MACROD2: variants seen among roughly 807,000 people sequenced by gnomAD.
MACROD2 encodes the protein mono-ADP ribosylhydrolase 2.
Under a neutral mutation model 70.4 loss-of-function variants are expected in MACROD2, and 36 were observed. That is an observed-to-expected ratio of 0.51 (90% CI 0.39 to 0.68). The LOEUF is 0.68. MACROD2 is among the 30% of genes least tolerant of loss of function. The probability of loss-of-function intolerance (pLI) is 0.00; values close to 1 mark genes in which losing one functional copy is unlikely to be tolerated. For synonymous variants in MACROD2, 172 were observed against 178.8 expected (o/e 0.96, Z 0.30); for missense variants, 496 against 538.4 (o/e 0.92, Z 0.78).
chr20:14,920,562 T>G (rs1016147150), intron 5 of MACROD2, among the ~76,000 whole-genome samples: 7 of 152,206 alleles, frequency 4.6e-5, no homozygotes, highest in African/African-American at 1.7e-4. Flanking sequence ...TAGAATAAAT[T>G]ATTGAAGACA....
chr20:14,542,847 T>G (rs1320063400), intron 4 of MACROD2, among the ~76,000 whole-genome samples: 1 of 152,226 alleles, frequency 6.6e-6, no homozygotes, highest in Non-Finnish European at 1.5e-5. Context: ...TAAAATAATC[T>G]GCAATTAAAT....
chr20:14,825,676 C>A (rs997703061), intron 5 of MACROD2, among the ~76,000 whole-genome samples: 1 of 152,140 alleles, frequency 6.6e-6, no homozygotes, highest in Non-Finnish European at 1.5e-5. Flanking sequence ...ATTAGCTAGA[C>A]CTGTCAGGCC....
At chr20:15,457,054 TC>T (rs1251185279) in intron 7 of MACROD2, among the ~76,000 whole-genome samples, 26 of 64,912 alleles carry the variant, frequency 4.0e-4, no homozygotes, top group African/African-American at 1.6e-3. Flanking sequence ...TTTCCTTTCT[TC>T]TTTTTTTTTT....
chr20:15,104,101 G>A (rs1322133264), intron 5 of MACROD2, among the ~76,000 whole-genome samples: 1 of 152,134 alleles, frequency 6.6e-6, no homozygotes, highest in Non-Finnish European at 1.5e-5. Flanking sequence ...AGAAAGTCAA[G>A]TGTTAAAGAA....
At chr20:15,380,336 AGT>A (rs2045626788) in intron 6 of MACROD2, among the ~76,000 whole-genome samples, 1 of 152,166 alleles carries the variant, frequency 6.6e-6, no homozygotes, top group Non-Finnish European at 1.5e-5. Flanking sequence ...AGGACTAGGG[AGT>A]CATGTGGTTG....
chr20:15,630,591 A>G (rs1327685876), intron 8 of MACROD2, among the ~76,000 whole-genome samples: 1 of 152,246 alleles, frequency 6.6e-6, no homozygotes. Context: ...CCTGCTGATT[A>G]AGTCCATTAA....
chr20:15,947,422 C>G (rs2147355413), intron 12 of MACROD2, among the ~76,000 whole-genome samples: 1 of 124,092 alleles, frequency 8.1e-6, no homozygotes, highest in African/African-American at 3.0e-5. Context: ...ATGACTTTTA[C>G]CAAGCATACA....
At chr20:15,426,799 G>T (rs1023753399) in intron 6 of MACROD2, among the ~76,000 whole-genome samples, 1 of 152,056 alleles carries the variant, frequency 6.6e-6, no homozygotes, top group Non-Finnish European at 1.5e-5. Context: ...ACCTGGCATG[G>T]GTTTTGGTAC....
chr20:14,645,981 T>A (rs1985368180), intron 4 of MACROD2, among the ~76,000 whole-genome samples: 1 of 149,562 alleles, frequency 6.7e-6, no homozygotes, highest in African/African-American at 2.4e-5. Context: ...CTTGGAAAAA[T>A]TTATATTTTC....
intron 4 of MACROD2, among the ~76,000 whole-genome samples, chr20:14,562,912 T>G (rs1979535711): frequency 6.6e-6 from 1 of 151,840 alleles, no homozygotes; most frequent in Admixed American, 6.6e-5. Flanking sequence ...TCTTTTGCCT[T>G]GCTTAGTATG....
At chr20:14,871,465 A>G (rs1371847340) in intron 5 of MACROD2, among the ~76,000 whole-genome samples, 1 of 152,158 alleles carries the variant, frequency 6.6e-6, no homozygotes, top group Non-Finnish European at 1.5e-5. Flanking sequence ...TCAGACAAGT[A>G]AATGCTAAGG....
At chr20:14,183,130 A>G (rs1276689697) in intron 3 of MACROD2, among the ~76,000 whole-genome samples, 2 of 150,132 alleles carry the variant, frequency 1.3e-5, no homozygotes, top group Admixed American at 1.3e-4. Flanking sequence ...CCGGGTATTA[A>G]GCCTAGGCTT....
At chr20:15,832,852 A>G (rs150083109) in intron 8 of MACROD2, among the ~76,000 whole-genome samples, 13 of 152,338 alleles carry the variant, frequency 8.5e-5, no homozygotes, top group African/African-American at 2.9e-4. Context: ...TTTCCGTAAC[A>G]TGGAAAATCC....
chr20:15,666,269 G>A (rs2049896363), intron 8 of MACROD2, among the ~76,000 whole-genome samples: 2 of 152,036 alleles, frequency 1.3e-5, no homozygotes, highest in African/African-American at 4.8e-5. Flanking sequence ...CAACCCTCCG[G>A]CAACTCTAGA....
chr20:14,767,515 A>C (rs2072106784), intron 5 of MACROD2, among the ~76,000 whole-genome samples: 2 of 151,960 alleles, frequency 1.3e-5, no homozygotes, highest in South Asian at 4.2e-4. Flanking sequence ...TATAAACAGA[A>C]TGGGTTTGAC....
At chr20:14,977,919 T>C (rs1349261037) in intron 5 of MACROD2, among the ~76,000 whole-genome samples, 1 of 152,222 alleles carries the variant, frequency 6.6e-6, no homozygotes, top group Non-Finnish European at 1.5e-5. Context: ...AATGATATTT[T>C]AGAAAACAAA....
intron 5 of MACROD2, among the ~76,000 whole-genome samples, chr20:14,836,262 T>C (rs1307070735): frequency 1.3e-5 from 2 of 152,118 alleles, no homozygotes; most frequent in East Asian, 1.9e-4. Context: ...GAGAGACTAA[T>C]GTATGCAGAG....
At chr20:14,687,342 G>C (rs1021930058) in intron 5 of MACROD2, among the ~76,000 whole-genome samples, 2 of 152,150 alleles carry the variant, frequency 1.3e-5, no homozygotes, top group African/African-American at 4.8e-5. Flanking sequence ...TAGTGTATGG[G>C]TTCACACTGT....
chr20:15,336,590 TTTC>T (rs1224323336), intron 6 of MACROD2, among the ~76,000 whole-genome samples: 6 of 150,762 alleles, frequency 4.0e-5, no homozygotes, highest in African/African-American at 1.5e-4. Flanking sequence ...TTTATGTATT[TTTC>T]TTCTTAGAAG....
Sources: allele counts gnomAD v4.1 joint callset (sites outside exome capture counted in the v4.1 genomes callset), GRCh38; gene constraint gnomAD v4.1.1; transcripts MANE v1.5; gene names NCBI Gene and HGNC (gene_info 2026-07-23, HGNC 2026-07-21).